The following ESRRG variants were observed in gnomAD, a reference collection of about 807,000 sequenced individuals.
The protein encoded by ESRRG is estrogen related receptor gamma.
A neutral mutation model predicts 44.0 loss-of-function variants in ESRRG; 13 were observed. That is an observed-to-expected ratio of 0.30 (90% CI 0.19 to 0.47). The LOEUF (loss-of-function observed/expected upper bound fraction) is 0.47. ESRRG is among the 20% of genes least tolerant of loss of function. The pLI is 1.00. For synonymous variants in ESRRG, 215 were observed against 214.6 expected (o/e 1.00, Z -0.02); for missense variants, 395 against 580.6 (o/e 0.68, Z 3.29).
chr1:216,642,290 C>G (rs758224333), intron 3 of ESRRG, among the ~76,000 whole-genome samples: 16 of 152,042 alleles, frequency 1.1e-4, no homozygotes, highest in Non-Finnish European at 2.2e-4. Context: ...CAAAAGCACA[C>G]AGCACATAGC....
At chr1:216,994,457 G>A (rs2076112619) in intron 1 of ESRRG, among the ~76,000 whole-genome samples, 1 of 144,944 alleles carries the variant, frequency 6.9e-6, no homozygotes, top group Admixed American at 6.7e-5. Flanking sequence ...ATAAACCCAT[G>A]TGTGTAAACA....
intron 2 of ESRRG, among the ~76,000 whole-genome samples, chr1:216,914,107 C>T (rs914934665): frequency 2.0e-5 from 3 of 150,958 alleles, no homozygotes; most frequent in African/African-American, 7.3e-5. Context: ...CTCCCCCCAT[C>T]CTTTTTTTTT....
At chr1:217,049,694 T>A (rs1213503820) in intron 1 of ESRRG, among the ~76,000 whole-genome samples, 2 of 152,130 alleles carry the variant, frequency 1.3e-5, no homozygotes, top group African/African-American at 4.8e-5. Flanking sequence ...TCCACCCAAT[T>A]CCTTGGCCCA....
intron 2 of ESRRG, among the ~76,000 whole-genome samples, chr1:216,775,534 T>C (rs2152411942): frequency 7.5e-6 from 1 of 133,102 alleles, no homozygotes; most frequent in African/African-American, 2.6e-5. Flanking sequence ...CTTTCCCACC[T>C]AAATAAAATG....
chr1:216,751,898 C>T (rs2092048330), intron 2 of ESRRG, among the ~76,000 whole-genome samples: 3 of 152,078 alleles, frequency 2.0e-5, no homozygotes, highest in Non-Finnish European at 4.4e-5. Context: ...CAGCCAACAG[C>T]GCCTTTGATT....
intron 2 of ESRRG, among the ~76,000 whole-genome samples, chr1:216,805,998 C>T (rs1342595754): frequency 1.3e-5 from 2 of 152,150 alleles, no homozygotes; most frequent in Non-Finnish European, 2.9e-5. Flanking sequence ...CCTTTCTTTC[C>T]TCTATGGGAC....
At chr1:216,939,564 T>C (rs1453533529) in intron 2 of ESRRG, 1 of 152,012 alleles carries the variant, frequency 6.6e-6, no homozygotes, top group Admixed American at 6.6e-5. Context: ...TCTCCTAATC[T>C]TGTAGGGAGC....
At chr1:216,837,111 T>TA (rs2095577191) in intron 2 of ESRRG, among the ~76,000 whole-genome samples, 1 of 151,936 alleles carries the variant, frequency 6.6e-6, no homozygotes, top group Non-Finnish European at 1.5e-5. Context: ...CTATTTTTTT[T>TA]TTAAATACAA....
chr1:216,833,158 T>C (rs1173446618), intron 2 of ESRRG, among the ~76,000 whole-genome samples: 1 of 152,046 alleles, frequency 6.6e-6, no homozygotes, highest in Non-Finnish European at 1.5e-5. Context: ...TCCTTCACAG[T>C]GTAAGTGCTC....
intron 1 of ESRRG, among the ~76,000 whole-genome samples, chr1:216,992,206 C>T (rs17041541): frequency 0.037 from 5,674 of 152,258 alleles, 239 homozygotes; most frequent in African/African-American, 0.086. Flanking sequence ...TTTGTGACTC[C>T]CCTTCAGTGA....
intron 1 of ESRRG, chr1:216,714,554 C>T (rs1037393491): frequency 1.0e-6 from 1 of 978,626 alleles, no homozygotes; most frequent in Non-Finnish European, 1.2e-6. Flanking sequence ...AAGGCTGTCA[C>T]ATATGGTGAC....
chr1:216,897,693 G>A (rs1210028409), intron 2 of ESRRG, among the ~76,000 whole-genome samples: 2 of 152,126 alleles, frequency 1.3e-5, no homozygotes, highest in African/African-American at 4.8e-5. Context: ...ATACAGGATG[G>A]TGGTGTTCTA....
At chr1:216,852,712 T>C (rs2095860430) in intron 2 of ESRRG, among the ~76,000 whole-genome samples, 1 of 152,208 alleles carries the variant, frequency 6.6e-6, no homozygotes. Flanking sequence ...AGTTGAATAA[T>C]CTGATTTTTC....
intron 1 of ESRRG, among the ~76,000 whole-genome samples, chr1:217,083,801 T>A (rs2091914114): frequency 6.6e-6 from 1 of 152,226 alleles, no homozygotes. Context: ...CAACTTCAGA[T>A]TTCTCTCCAC....
intron 1 of ESRRG, among the ~76,000 whole-genome samples, chr1:216,979,256 T>C (rs553300375): frequency 6.6e-6 from 1 of 152,242 alleles, no homozygotes; most frequent in South Asian, 2.1e-4. Context: ...AGGGAGTTAA[T>C]GTGTGATTCA....
intron 2 of ESRRG, chr1:216,805,297 C>A (rs982541969): frequency 3.3e-5 from 5 of 152,172 alleles, no homozygotes; most frequent in Admixed American, 2.6e-4. Context: ...TGAATCGGTA[C>A]ACACACAACA....
intron 1 of ESRRG, among the ~76,000 whole-genome samples, chr1:217,019,868 T>C (rs11572428): frequency 6.6e-6 from 1 of 152,206 alleles, no homozygotes; most frequent in Admixed American, 6.5e-5. Context: ...TTAGAGAACA[T>C]ACTTTCAAAA....
At chr1:216,788,642 T>C (rs958977633) in intron 2 of ESRRG, among the ~76,000 whole-genome samples, 1 of 152,138 alleles carries the variant, frequency 6.6e-6, no homozygotes, top group Admixed American at 6.6e-5. Flanking sequence ...AATTTCAACT[T>C]TCAGGTCATT....
intron 3 of ESRRG, among the ~76,000 whole-genome samples, chr1:216,569,975 G>T (rs1241006987): frequency 2.6e-5 from 4 of 152,078 alleles, no homozygotes; most frequent in African/African-American, 9.7e-5. Flanking sequence ...TGAGCTGTGG[G>T]TTATCTGAGT....
Sources: allele counts gnomAD v4.1 joint callset (sites outside exome capture counted in the v4.1 genomes callset), GRCh38; gene constraint gnomAD v4.1.1; transcripts MANE v1.5; gene names NCBI Gene and HGNC (gene_info 2026-07-23, HGNC 2026-07-21).